The following NEO1 variants were observed in gnomAD, a reference collection of about 807,000 sequenced individuals.
The protein encoded by NEO1 is neogenin.
NEO1 carries 63 observed loss-of-function variants against 159.7 expected under a neutral mutation model. The ratio of observed to expected loss-of-function variants is 0.39; its 90% CI spans 0.32 to 0.49. NEO1 has a LOEUF of 0.49. NEO1 is among the 20% of genes least tolerant of loss of function. The pLI, the probability that NEO1 is intolerant of heterozygous loss-of-function variation, is 0.85. For missense variants in NEO1, 1,615 were observed against 1,831.0 expected (o/e 0.88, Z 2.15); for synonymous variants, 633 against 662.0 (o/e 0.96, Z 0.67).
intron 7 of NEO1, among the ~76,000 whole-genome samples, chr15:73,184,560 G>A (rs1261917568): frequency 6.6e-6 from 1 of 152,154 alleles, no homozygotes; most frequent in African/African-American, 2.4e-5. Flanking sequence ...TTACCAAGAT[G>A]TCCTTCAGTA....
intron 15 of NEO1, among the ~76,000 whole-genome samples, chr15:73,264,812 G>A (rs535607882): frequency 3.3e-5 from 5 of 152,258 alleles, no homozygotes; most frequent in East Asian, 1.9e-4. Flanking sequence ...CAAACCTGTT[G>A]ATCAATCAGC....
chr15:73,077,779 T>C (rs897173391), intron 1 of NEO1, among the ~76,000 whole-genome samples: 2 of 152,070 alleles, frequency 1.3e-5, no homozygotes, highest in African/African-American at 4.8e-5. Flanking sequence ...GAGGAGAAGG[T>C]GATATATGCT....
At position 73,169,094 on chromosome 15, in the gene NEO1, T is replaced by G. The variant is rs536385201; in HGVS notation, c.1016-7309T>G. On this transcript the variant is annotated intron_variant, in intron 5 of 28. Transcript: ENST00000261908. ...GGTTATCTTCCAAATCACAGCATAA[T>G]AAAGTAACCTTGAATCATTGGTGTT... Among the ~76,000 whole-genome samples the G allele has an allele frequency of 2.1e-3, 321 of 152,246 alleles. 1 individual carries two copies. Among genetic ancestry groups the G allele is most frequent in the African/African-American group, 7.4e-3 (306 of 41,560 alleles).
At chr15:73,207,259 A>T (rs536489255) in intron 7 of NEO1, among the ~76,000 whole-genome samples, 2 of 152,234 alleles carry the variant, frequency 1.3e-5, no homozygotes, top group South Asian at 2.1e-4. Context: ...AGTAAAGTAG[A>T]TATTGTTACT....
chr15:73,249,510 T>C (rs1199109743), intron 10 of NEO1, 73 bp from the exon 11 acceptor site: 1 of 1,404,862 alleles, frequency 7.1e-7, no homozygotes, highest in Non-Finnish European at 9.6e-7. Context: ...AGAATTTGTG[T>C]AGCTAATTCT....
chr15:73,164,240 T>C (rs1315247155), intron 5 of NEO1, among the ~76,000 whole-genome samples: 5 of 147,972 alleles, frequency 3.4e-5, no homozygotes, highest in African/African-American at 1.3e-4. Context: ...GACGAAGTCT[T>C]GTTGTGTCAC....
intron 5 of NEO1, among the ~76,000 whole-genome samples, chr15:73,138,809 G>C (rs1471833716): frequency 2.0e-5 from 3 of 151,810 alleles, no homozygotes; most frequent in Non-Finnish European, 4.4e-5. Context: ...TTTTAAAACA[G>C]CTCCCAGATT....
intron 5 of NEO1, among the ~76,000 whole-genome samples, chr15:73,158,176 C>T (rs1295680090): frequency 6.9e-6 from 1 of 145,922 alleles, no homozygotes; most frequent in African/African-American, 2.5e-5. Flanking sequence ...GATCGTCCTG[C>T]TGCACTCCAG....
chr15:73,106,142 G>C (rs1221858183), intron 1 of NEO1, among the ~76,000 whole-genome samples: 2 of 152,134 alleles, frequency 1.3e-5, no homozygotes, highest in Non-Finnish European at 2.9e-5. Context: ...TGTCAGACCA[G>C]TTGTATTAGA....
chr15:73,110,439 A>T (rs1403596534), intron 1 of NEO1, among the ~76,000 whole-genome samples: 1 of 152,212 alleles, frequency 6.6e-6, no homozygotes, highest in East Asian at 1.9e-4. Flanking sequence ...AAGTATTCAG[A>T]TACCATATGT....
At chr15:73,171,471 G>A (rs1284887607) in intron 5 of NEO1, among the ~76,000 whole-genome samples, 1 of 151,952 alleles carries the variant, frequency 6.6e-6, no homozygotes, top group Non-Finnish European at 1.5e-5. Flanking sequence ...GGCTGAGGCA[G>A]GAGGATTACT....
At chr15:73,288,604 T>G (rs2042040365) in intron 24 of NEO1, 53 bp downstream of exon 24, 2 of 1,500,946 alleles carry the variant, frequency 1.3e-6, no homozygotes, top group South Asian at 2.3e-5. Flanking sequence ...TATTTTCATT[T>G]AAATCTTTTT....
chr15:73,097,799 G>GT (rs2070158787), intron 1 of NEO1, among the ~76,000 whole-genome samples: 1 of 33,696 alleles, frequency 3.0e-5, no homozygotes, highest in Non-Finnish European at 5.7e-5. Flanking sequence ...TTTTTTTTTT[G>GT]TAAGTTCTTT....
chr15:73,220,514 G>C (rs994306184), intron 7 of NEO1, among the ~76,000 whole-genome samples: 1 of 152,176 alleles, frequency 6.6e-6, no homozygotes, highest in Non-Finnish European at 1.5e-5. Context: ...ATAATATCCT[G>C]CAGAGTGTTT....
chr15:73,161,851 G>T, intron 5 of NEO1: 1 of 227,766 alleles, frequency 4.4e-6, no homozygotes. Flanking sequence ...TTATATAATT[G>T]ACGAACTTGG....
At chr15:73,110,962 C>T (rs1356578630) in intron 1 of NEO1, among the ~76,000 whole-genome samples, 3 of 151,964 alleles carry the variant, frequency 2.0e-5, no homozygotes, top group African/African-American at 7.3e-5. Flanking sequence ...TTGTTCTCCA[C>T]CACCACCAAC....
intron 4 of NEO1, among the ~76,000 whole-genome samples, chr15:73,132,621 T>G (rs2031271850): frequency 6.6e-6 from 1 of 152,150 alleles, no homozygotes; most frequent in Non-Finnish European, 1.5e-5. Flanking sequence ...GGAGAAAAGC[T>G]TCACAATCTA....
rs551230113 is a variant in NEO1 at position 73,275,742 on chromosome 15, C to T, written c.3193+1018C>T. 2.0e-5 allele frequency among the ~76,000 whole-genome samples: 3 copies of T among 152,218 alleles called. No individual in the cohort carries two copies. The South Asian group carries it at 6.2e-4, about 32-fold the overall frequency. On this transcript the variant is annotated intron_variant, in intron 21 of 28. Coordinates refer to ENST00000261908, the MANE Select transcript of NEO1 (RefSeq NM_002499.4). ...GCCTCCATGTCACCATTCTTGAAAC[C>T]ATCTGTCAATAGTCTTTACACTGTA...
At chr15:73,137,374 AT>A in intron 5 of NEO1, among the ~76,000 whole-genome samples, 1 of 152,342 alleles carries the variant, frequency 6.6e-6, no homozygotes, top group Non-Finnish European at 1.5e-5. Flanking sequence ...AGAATGAAAA[AT>A]ATACTAAAAA....
Sources: gnomAD v4.1 joint callset for allele counts (sites outside exome capture counted in the v4.1 genomes callset) on GRCh38, gnomAD v4.1.1 for gene constraint, MANE v1.5 for transcripts, NCBI Gene and HGNC (gene_info 2026-07-23, HGNC 2026-07-21) for gene names.